Variants in FRYL observed in about 807,000 individuals in gnomAD.
FRYL encodes FRY like transcription coactivator, also known as protein furry homolog-like.
In FRYL, 150 loss-of-function variants were observed where a neutral mutation model predicts 351.2. The observed-to-expected ratio is 0.43, with a 90% CI of 0.37 to 0.49. FRYL has a LOEUF of 0.49. Ranked by LOEUF, FRYL falls within the 20% of genes least tolerant of loss-of-function variation. FRYL has a pLI of 0.00. For missense variants in FRYL, 3,036 were observed against 3,619.3 expected (o/e 0.84, Z 4.13); for synonymous variants, 1,153 against 1,257.1 (o/e 0.92, Z 1.75).
chr4:48,521,849 T>C (rs1724980252), intron 54 of FRYL, among the ~76,000 whole-genome samples: 1 of 152,090 alleles, frequency 6.6e-6, no homozygotes. Context: ...CAATGAGATG[T>C]AAATACAGGA....
chr4:48,728,330 A>G (rs982863587), intron 1 of FRYL, among the ~76,000 whole-genome samples: 3 of 152,136 alleles, frequency 2.0e-5, no homozygotes, highest in Non-Finnish European at 4.4e-5. Flanking sequence ...GAAAGCAAAG[A>G]GTAAAAAGAG....
intron 7 of FRYL, among the ~76,000 whole-genome samples, chr4:48,610,720 C>CAT (rs1747960137): frequency 7.1e-6 from 1 of 140,686 alleles, no homozygotes; most frequent in South Asian, 2.2e-4. Context: ...ATATTATATA[C>CAT]ATATATTATA....
Position 48,545,030 on chromosome 4 carries a change from T to C in FRYL, c.5280-126A>G, listed in dbSNP as rs537844153. The C allele has an allele frequency of 1.2e-4, 106 of 850,464 alleles. 3 individuals are homozygous for C. In the South Asian group the frequency reaches 2.3e-3, roughly 18 times the overall value. The allele number at this position is 850,464 out of a possible 1,614,324, so 52.7% of individuals were successfully genotyped here. A position where few individuals can be genotyped will look rare whatever the true frequency, so the allele number is the denominator to read the frequency against. On this transcript the variant is annotated intron_variant, in intron 42 of 63. Transcript: ENST00000358350. ...GTAGTTGAATAAATAGGTCACAGTCTACTACTACTTAGGCACATGAATATG... is the reference window on the plus strand; with the variant it reads ...GTAGTTGAATAAATAGGTCACAGTCCACTACTACTTAGGCACATGAATATG...
chr4:48,573,129 G>A lies in FRYL; in HGVS notation c.2904+57C>T, dbSNP rs910373870. 21 of 1,321,526 alleles carry A rather than the reference G, an allele frequency of 1.6e-5. No homozygotes were observed. In the African/African-American group the frequency reaches 3.1e-4, roughly 19 times the overall value. The allele number at this position is 1,321,526 out of a possible 1,614,324, so 81.9% of individuals were successfully genotyped here. ...TAATTTCTAACTTTTGATATAACAT[G>A]TAAATATGGCAGAAAAATGAATGTT... On this transcript the variant is annotated intron_variant, in intron 26 of 63. Coordinates refer to ENST00000358350, the MANE Select transcript of FRYL (RefSeq NM_015030.2).
rs1718918102 is a variant in FRYL at position 48,498,730 on chromosome 4, A to C, written c.*692T>G. The C allele has an allele frequency of 6.6e-6, 1 of 152,558 alleles. No homozygotes were observed. Among genetic ancestry groups the C allele is most frequent in the Non-Finnish European group, 1.5e-5 (1 of 68,034 alleles). 9.5% of individuals were successfully genotyped at this position (152,558 alleles called of 1,614,324 possible). On this transcript the variant is annotated 3_prime_UTR_variant, in exon 64 of 64. Coordinates refer to ENST00000358350, the MANE Select transcript of FRYL (RefSeq NM_015030.2). ...AATAAAATAACATTTCTTCAAAAAT[A>C]ATCTTGCAGTGCTCTTTTAGGCATG... is the stretch of plus-strand genomic sequence containing the variant.
At chr4:48,558,228 C>T (rs1734579565) in intron 33 of FRYL, among the ~76,000 whole-genome samples, 2 of 152,248 alleles carry the variant, frequency 1.3e-5, no homozygotes, top group Non-Finnish European at 1.5e-5. Flanking sequence ...GAATATTATG[C>T]ACCCTTAAAA....
In FRYL at chr4:48,540,947, CATG is replaced by C; in HGVS notation, c.5698_5700del (p.His1900del). 1 of 1,590,130 alleles carries C rather than the reference CATG, an allele frequency of 6.3e-7. No individual in the cohort carries two copies. Among genetic ancestry groups the C allele is most frequent in the Non-Finnish European group, 8.6e-7 (1 of 1,165,320 alleles). On this transcript the variant is annotated inframe_deletion, in exon 46 of 64. Transcript: ENST00000358350. The stretch of plus-strand genomic sequence containing the variant: ...GCATACTTGTTTCCCATTATAGGAT[CATG>C]ATATGAGGTTCTTAAAAAAAAGAAA...
chr4:48,717,160 A>T (rs2149602868), intron 1 of FRYL, among the ~76,000 whole-genome samples: 1 of 150,404 alleles, frequency 6.6e-6, no homozygotes, highest in East Asian at 2.0e-4. Flanking sequence ...ACTGGAAGAT[A>T]TACCTAATGG....
At chr4:48,536,678 G>A (rs1560558126) in intron 47 of FRYL, among the ~76,000 whole-genome samples, 2 of 152,098 alleles carry the variant, frequency 1.3e-5, no homozygotes, top group Non-Finnish European at 2.9e-5. Flanking sequence ...TGTCATAAAA[G>A]GCTAACCTCA....
chr4:48,514,348 TA>T (rs1325513227), intron 56 of FRYL, among the ~76,000 whole-genome samples: 1 of 152,144 alleles, frequency 6.6e-6, no homozygotes, highest in Non-Finnish European at 1.5e-5. Context: ...GATATTCTAT[TA>T]TAATTCTAAG....
At chr4:48,582,449 ATTT>A in intron 20 of FRYL, 45 bp downstream of exon 20, 1 of 1,165,276 alleles carries the variant, frequency 8.6e-7, no homozygotes. Flanking sequence ...ATTATTGGTC[ATTT>A]AGCACTGACC....
intron 53 of FRYL, among the ~76,000 whole-genome samples, chr4:48,526,340 G>A (rs1227568967): frequency 6.6e-6 from 1 of 152,172 alleles, no homozygotes; most frequent in African/African-American, 2.4e-5. Context: ...AGGGTTAAGA[G>A]ACTGTGGTTT....
chr4:48,508,861 T>C (rs1721874600), intron 59 of FRYL, among the ~76,000 whole-genome samples: 1 of 152,172 alleles, frequency 6.6e-6, no homozygotes. Context: ...AGGACTAGTC[T>C]TGGAAGTTAC....
At chr4:48,572,102 G>C (rs1277256859) in intron 26 of FRYL, 1 of 529,098 alleles carries the variant, frequency 1.9e-6, no homozygotes, top group Admixed American at 6.4e-5. Flanking sequence ...CTAAACTGCA[G>C]GGATTATCAC....
Position 48,641,345 on chromosome 4 carries a change from T to C in FRYL, c.-80-6855A>G, listed in dbSNP as rs560199250. On this transcript the variant is annotated intron_variant, in intron 3 of 63. Transcript: ENST00000358350. ...AGTGAAAAGCATACCAGATGCTGTT[T>C]GTTTCCAATGGGAACAAAATATAAT... is the stretch of plus-strand genomic sequence containing the variant. Among the ~76,000 whole-genome samples the C allele has an allele frequency of 9.8e-5, 15 of 152,302 alleles. No homozygotes were observed. The East Asian group carries it at 2.9e-3, about 29-fold the overall frequency.
chr4:48,523,237 C>G, intron 53 of FRYL, 133 bp from the exon 54 acceptor site: 1 of 608,110 alleles, frequency 1.6e-6, no homozygotes, highest in Non-Finnish European at 2.9e-6. Context: ...TTCAATCAGC[C>G]CTTCAATTTC....
chr4:48,753,713 C>T (rs1202885900), intron 1 of FRYL, among the ~76,000 whole-genome samples: 5 of 151,046 alleles, frequency 3.3e-5, no homozygotes, highest in Non-Finnish European at 5.9e-5. Flanking sequence ...TTTGCCTAAC[C>T]CAAAGTCAAC....
intron 61 of FRYL, 21 bp downstream of exon 61, chr4:48,502,807 A>T (rs755011071): frequency 6.2e-7 from 1 of 1,601,612 alleles, no homozygotes; most frequent in Non-Finnish European, 8.5e-7. Context: ...AGTAGTCTAT[A>T]AATCAAGACA....
intron 47 of FRYL, 87 bp from the exon 48 acceptor site, chr4:48,535,914 A>AT: frequency 9.5e-7 from 1 of 1,054,606 alleles, no homozygotes; most frequent in East Asian, 2.9e-5. Context: ...CGCTTAATGA[A>AT]ATAATTTAGA....
Sources: allele counts gnomAD v4.1 joint callset (sites outside exome capture counted in the v4.1 genomes callset), GRCh38; gene constraint gnomAD v4.1.1; transcripts MANE v1.5; gene names NCBI Gene and HGNC (gene_info 2026-07-23, HGNC 2026-07-21).